SPHKAP: variants seen among roughly 807,000 people sequenced by gnomAD.
SPHKAP encodes the protein SPHK1 interactor, AKAP domain containing.
Under a neutral mutation model 137.5 loss-of-function variants are expected in SPHKAP, and 67 were observed. The observed-to-expected ratio is 0.49, with a 90% CI of 0.40 to 0.60. The LOEUF is 0.60. Among genes scored for constraint, SPHKAP ranks in the 20% least tolerant of loss-of-function variants. The pLI, the probability that SPHKAP is intolerant of heterozygous loss-of-function variation, is 0.00. For missense variants in SPHKAP, 2,097 were observed against 2,069.3 expected (o/e 1.01, Z -0.26); for synonymous variants, 813 against 785.3 (o/e 1.04, Z -0.59).
chr2:228,039,062 T>G (rs570080945), intron 3 of SPHKAP, among the ~76,000 whole-genome samples: 1 of 152,312 alleles, frequency 6.6e-6, no homozygotes, highest in Admixed American at 6.5e-5. Context: ...TAAAGACCCA[T>G]AAAAGGTGCT....
chr2:228,147,631 T>C (rs1212221078), intron 1 of SPHKAP, among the ~76,000 whole-genome samples: 1 of 152,180 alleles, frequency 6.6e-6, no homozygotes, highest in African/African-American at 2.4e-5. Flanking sequence ...AATTCCCTAA[T>C]CTCCCTGAGC....
rs757836655 is a variant in SPHKAP at position 228,018,182 on chromosome 2, G to T, written c.2672C>A (p.Thr891Lys). Reference protein sequence around the residue: ...PNTQEKYNCATSRINEVQVNL... With the variant: ...PNTQEKYNCAKSRINEVQVNL... ...GACTTGAACTTCGTTGATGCGAGAT[G>T]TGGCACAGTTGTACTTTTCTTGGGT... Residue 891 changes from threonine to lysine, a missense_variant, in exon 7 of 12, where the codon ACA becomes AAA. Physicochemically the swap from Thr to Lys is moderately conservative, Grantham distance 78. Coordinates refer to ENST00000392056, the MANE Select transcript of SPHKAP (RefSeq NM_001142644.2). The T allele has an allele frequency of 6.2e-7, 1 of 1,614,186 alleles. No homozygotes were observed. The highest frequency in any genetic ancestry group is 1.1e-5 in the South Asian group (1 of 91,082).
rs151326142 is a variant in SPHKAP, at chr2:228,047,991, T to C, written c.247-20448A>G. Among the ~76,000 whole-genome samples the C allele has an allele frequency of 3.4e-3, 516 of 152,280 alleles. 4 individuals carry two copies. The highest frequency in any genetic ancestry group is 0.012 in the African/African-American group (499 of 41,554). ...AGAAAGTTGGTAGGTGAAGAGTCCA[T>C]TGTCTTGATAAGATTCTGTGCTTTC... On this transcript the variant is annotated intron_variant, in intron 3 of 11. Transcript: ENST00000392056.
At chr2:228,146,673 ATTAG>A (rs1456887743) in intron 1 of SPHKAP, among the ~76,000 whole-genome samples, 4 of 152,170 alleles carry the variant, frequency 2.6e-5, no homozygotes, top group Non-Finnish European at 5.9e-5. Flanking sequence ...CTGTTCCTGT[ATTAG>A]TTTGCTAAGG....
intron 3 of SPHKAP, among the ~76,000 whole-genome samples, chr2:228,082,308 C>A (rs190173032): frequency 2.0e-5 from 3 of 152,268 alleles, no homozygotes; most frequent in Admixed American, 6.5e-5. Context: ...GCTTTATAAT[C>A]CTGGACAAGC....
intron 3 of SPHKAP, among the ~76,000 whole-genome samples, chr2:228,051,549 C>G (rs13004419): frequency 0.24 from 36,873 of 151,956 alleles, 4,753 homozygotes; most frequent in South Asian, 0.43. Flanking sequence ...ACACAGAACA[C>G]CCAGATCCAG....
At position 228,110,905 on chromosome 2, in the gene SPHKAP, TAAC is replaced by T. The variant is rs752296336; in HGVS notation, c.139-1969_139-1967del. 2.0e-4 allele frequency among the ~76,000 whole-genome samples: 30 copies of T among 152,222 alleles called. 1 individual carries two copies. The highest frequency in any genetic ancestry group is 6.2e-4 in the South Asian group (3 of 4,828). On this transcript the variant is annotated intron_variant, in intron 2 of 11. Transcript: ENST00000392056. ...ATTATTTTAAAATTATTTTGTCAAA[TAAC>T]AAATTCTTATTTATTTAATTTAAAT...
rs373384729 is a variant in SPHKAP, at chr2:228,027,525, C to A, written c.265G>T (p.Asp89Tyr). 2.0e-5 allele frequency: 32 copies of A among 1,613,774 alleles called. No homozygotes were observed. Among genetic ancestry groups the A allele is most frequent in the Non-Finnish European group, 2.6e-5 (31 of 1,179,924 alleles). The stretch of plus-strand genomic sequence containing the variant: ...GTGCTGCATTCATCCTTGTTCACAT[C>A]AAGATTCACAAAGCAGACCTGGGAA... ...NCASVCFVNL[D>Y]VNKDECSTEH... The change falls in exon 4 of 12, where the codon GAT becomes TAT. Residue 89 changes from aspartate to tyrosine, a missense_variant. Asp to Tyr is a radical substitution (Grantham distance 160). Transcript: ENST00000392056.
Position 228,018,891 on chromosome 2 carries a change from G to C in SPHKAP, c.1963C>G (p.Gln655Glu). 6.2e-7 allele frequency: 1 copy of C among 1,614,188 alleles called. No individual in the cohort carries two copies. The highest frequency in any genetic ancestry group is 8.5e-7 in the Non-Finnish European group (1 of 1,180,038). Reference protein sequence around the residue: ...RRIMETASKSQTLCSENVVRN... With the variant: ...RRIMETASKSETLCSENVVRN... The stretch of plus-strand genomic sequence containing the variant: ...ACGACATTTTCTGAGCACAGGGTCT[G>C]AGACTTTGAAGCAGTTTCCATGATT... Residue 655 changes from glutamine (Q) to glutamate (E), a missense_variant, in exon 7 of 12, where the codon CAG (glutamine) becomes GAG (glutamate). Coordinates refer to ENST00000392056, the MANE Select transcript of SPHKAP (RefSeq NM_001142644.2).
intron 3 of SPHKAP, among the ~76,000 whole-genome samples, chr2:228,083,403 C>T (rs1452817826): frequency 6.6e-6 from 1 of 152,132 alleles, no homozygotes; most frequent in Non-Finnish European, 1.5e-5. Context: ...ATGGTATCTC[C>T]TTGTGATTTT....
At chr2:227,988,010 A>G (rs1016669872) in intron 11 of SPHKAP, among the ~76,000 whole-genome samples, 3 of 152,224 alleles carry the variant, frequency 2.0e-5, no homozygotes, top group African/African-American at 7.2e-5. Context: ...TGAGAAGCTA[A>G]TGAGACACTG....
chr2:228,017,396 C>A lies in SPHKAP; in HGVS notation c.3458G>T (p.Gly1153Val). Residue 1153 changes from glycine to valine, a missense_variant, in exon 7 of 12, where the codon GGC becomes GTC. Gly to Val is a moderately radical substitution (Grantham distance 109). Coordinates refer to ENST00000392056, the MANE Select transcript of SPHKAP (RefSeq NM_001142644.2). ...GTTCAGAATGCTGCTGGCGTTCTTG[C>A]CAGCATAGTAATCCAGCAGTAACTC... ...GFELLLDYYA[G>V]KNASSILNSA... The A allele has an allele frequency of 6.2e-7, 1 of 1,614,014 alleles. No individual in the cohort carries two copies. Among genetic ancestry groups the A allele is most frequent in the Non-Finnish European group, 8.5e-7 (1 of 1,179,984 alleles).
intron 2 of SPHKAP, among the ~76,000 whole-genome samples, chr2:228,129,779 C>A (rs1699188958): frequency 6.7e-6 from 1 of 149,262 alleles, no homozygotes; most frequent in African/African-American, 2.5e-5. Context: ...TAAAGATTAG[C>A]TTTAGTTTTA....
chr2:228,020,134 T>G lies in SPHKAP; in HGVS notation c.720A>C (p.Ser240=). The G allele has an allele frequency of 1.2e-6, 2 of 1,604,186 alleles. No individual in the cohort carries two copies. Among genetic ancestry groups the G allele is most frequent in the South Asian group, 2.2e-5 (2 of 88,944 alleles). Residue 240 remains serine, a synonymous_variant, in exon 7 of 12, where the codon TCA becomes TCC. Coordinates refer to ENST00000392056, the MANE Select transcript of SPHKAP (RefSeq NM_001142644.2). The stretch of plus-strand genomic sequence containing the variant: ...GCTGTTTACTTTCCAAAACATTGGC[T>G]GAGACATTTATATTTTCATAATCTA... The part of the protein sequence containing the change: ...SRNDYENINV[S]ANVLESKQLK...
chr2:228,019,703 C>T lies in SPHKAP; in HGVS notation c.1151G>A (p.Gly384Glu). The T allele has an allele frequency of 1.2e-6, 2 of 1,614,190 alleles. No individual in the cohort carries two copies. Among genetic ancestry groups the T allele is most frequent in the Non-Finnish European group, 1.7e-6 (2 of 1,180,034 alleles). Residue 384 changes from glycine to glutamate, a missense_variant, in exon 7 of 12, where the codon GGA becomes GAA. By Grantham distance (98) the Gly-to-Glu change is moderately conservative. Transcript: ENST00000392056. ...AGCATACTTGCCAGTGGTGACTTCTCCATCTTGTCTAGGAGGGAGAGCGTT... is the reference window on the plus strand; with the variant it reads ...AGCATACTTGCCAGTGGTGACTTCTTCATCTTGTCTAGGAGGGAGAGCGTT... ...TRNALPPRQD[G>E]EVTTGKYATN... is the part of the protein sequence containing the mutation.
intron 3 of SPHKAP, among the ~76,000 whole-genome samples, chr2:228,093,869 A>AAAAC (rs1697894683): frequency 6.6e-6 from 1 of 150,426 alleles, no homozygotes. Flanking sequence ...CAAAAAAAAA[A>AAAAC]AAAAAAAAAA....
chr2:227,994,729 TG>T (rs2106166942), intron 8 of SPHKAP, among the ~76,000 whole-genome samples: 1 of 152,364 alleles, frequency 6.6e-6, no homozygotes, highest in Admixed American at 6.5e-5. Flanking sequence ...CTTTGCTTTT[TG>T]TTTCTATCTT....
chr2:228,018,016 C>T lies in SPHKAP; in HGVS notation c.2838G>A (p.Ala946=), dbSNP rs763319527. The change falls in exon 7 of 12, where the codon GCG becomes GCA. Residue 946 remains alanine (A), a synonymous_variant. Transcript: ENST00000392056. The part of the protein sequence containing the change: ...TVVSMATEIA[A]ICLDNSSGKQ... ...TTCCACTGGAGTTGTCAAGGCAAAT[C>T]GCTGCAATTTCAGTTGCCATGGAGA... is the stretch of plus-strand genomic sequence containing the variant. 7 of 1,614,120 alleles carry T rather than the reference C, an allele frequency of 4.3e-6. No homozygotes were observed. The highest frequency in any genetic ancestry group is 2.2e-5 in the East Asian group (1 of 44,858).
intron 3 of SPHKAP, among the ~76,000 whole-genome samples, chr2:228,039,995 C>T (rs148494762): frequency 1.8e-4 from 28 of 152,214 alleles, no homozygotes; most frequent in South Asian, 1.0e-3. Flanking sequence ...GGGTTTTAGC[C>T]TAGGAGGTGA....
Sources: gnomAD v4.1 joint callset for allele counts (sites outside exome capture counted in the v4.1 genomes callset) on GRCh38, gnomAD v4.1.1 for gene constraint, MANE v1.5 for transcripts, NCBI Gene and HGNC (gene_info 2026-07-23, HGNC 2026-07-21) for gene names.